The following MYO5B variants were observed in gnomAD, a reference collection of about 807,000 sequenced individuals.
MYO5B encodes unconventional myosin-Vb.
MYO5B carries 143 observed loss-of-function variants against 229.3 expected under a neutral mutation model. The ratio of observed to expected loss-of-function variants is 0.62; its 90% CI spans 0.54 to 0.72. The LOEUF is 0.72. MYO5B is among the 30% of genes least tolerant of loss of function. The probability of loss-of-function intolerance (pLI) is 0.00; values close to 1 mark genes in which losing one functional copy is unlikely to be tolerated. For missense variants in MYO5B, 2,321 were observed against 2,331.0 expected (o/e 1.00, Z 0.09); for synonymous variants, 918 against 885.2 (o/e 1.04, Z -0.66).
chr18:49,932,472 C>G (rs529109012), intron 16 of MYO5B, among the ~76,000 whole-genome samples: 13 of 152,312 alleles, frequency 8.5e-5, no homozygotes, highest in Admixed American at 1.3e-4. Flanking sequence ...TTCTGTCCTC[C>G]TGTGATGGCA....
intron 2 of MYO5B, among the ~76,000 whole-genome samples, chr18:50,041,661 G>A (rs1334997505): frequency 6.6e-6 from 1 of 151,924 alleles, no homozygotes; most frequent in Non-Finnish European, 1.5e-5. Flanking sequence ...AGTTTAGATA[G>A]AACAAACATT....
At chr18:50,040,987 A>G (rs9945666) in intron 2 of MYO5B, among the ~76,000 whole-genome samples, 147,526 of 152,292 alleles carry the variant, frequency 0.97, 71,613 homozygotes, top group East Asian at 1. Flanking sequence ...GGATACATTT[A>G]TAACCCTCGG....
At chr18:50,148,843 G>A (rs1229496121) in intron 1 of MYO5B, among the ~76,000 whole-genome samples, 1 of 152,186 alleles carries the variant, frequency 6.6e-6, no homozygotes, top group Admixed American at 6.5e-5. Flanking sequence ...GGGCAATTAG[G>A]CAAGAGAAGG....
intron 1 of MYO5B, among the ~76,000 whole-genome samples, chr18:50,162,656 T>C (rs1183080665): frequency 6.6e-6 from 1 of 152,200 alleles, no homozygotes; most frequent in Non-Finnish European, 1.5e-5. Context: ...CATTATCCAC[T>C]AATGCACATT....
At position 50,051,261 on chromosome 18, in the gene MYO5B, G is replaced by C. The variant is rs1199861060; in HGVS notation, c.138+4007C>G. ...CCCTGGCCCTCCAAATGTCAGGGTG[G>C]GCTTGGAAATACTGAGACGGTAGAG... On this transcript the variant is annotated intron_variant, in intron 2 of 39. Transcript: ENST00000285039. Among the ~76,000 whole-genome samples, 3 of 152,130 alleles carry C rather than the reference G, an allele frequency of 2.0e-5. No individual in the cohort carries two copies. The East Asian group carries it at 5.8e-4, about 29-fold the overall frequency.
intron 21 of MYO5B, among the ~76,000 whole-genome samples, chr18:49,898,874 G>T (rs965014513): frequency 6.6e-6 from 1 of 152,048 alleles, no homozygotes; most frequent in African/African-American, 2.4e-5. Context: ...TGACTTCTTG[G>T]CAGTGAGGAT....
intron 12 of MYO5B, among the ~76,000 whole-genome samples, chr18:49,960,632 CA>C (rs1271135352): frequency 6.6e-6 from 1 of 152,190 alleles, no homozygotes; most frequent in Non-Finnish European, 1.5e-5. Flanking sequence ...ATTTCCAGAA[CA>C]ATTAAACCTG....
intron 22 of MYO5B, among the ~76,000 whole-genome samples, chr18:49,889,810 G>C (rs1276933473): frequency 1.3e-5 from 2 of 152,158 alleles, no homozygotes; most frequent in Non-Finnish European, 2.9e-5. Flanking sequence ...TGACTTCATT[G>C]CAACAACCTA....
chr18:49,962,512 G>A (rs1449953822), intron 11 of MYO5B, 106 bp from the exon 12 acceptor site: 41 of 1,472,266 alleles, frequency 2.8e-5, no homozygotes, highest in Non-Finnish European at 3.8e-5. Context: ...GCAGAGAACT[G>A]CCAGATAAGG....
chr18:49,953,359 C>G lies in MYO5B; in HGVS notation c.1669-16G>C. ...GGTACTCCACCTGGGGCCACAGCAACCAGAGAGAGACACAGTCGTTAGTGC... is the reference window on the plus strand; with the variant it reads ...GGTACTCCACCTGGGGCCACAGCAAGCAGAGAGAGACACAGTCGTTAGTGC... On this transcript the variant is annotated splice_polypyrimidine_tract_variant and intron_variant, in intron 13 of 39. Coordinates refer to ENST00000285039, the MANE Select transcript of MYO5B (RefSeq NM_001080467.3). 1 of 1,610,956 alleles carries G rather than the reference C, an allele frequency of 6.2e-7. No individual in the cohort carries two copies.
At chr18:50,060,862 G>A (rs1410299733) in intron 1 of MYO5B, among the ~76,000 whole-genome samples, 1 of 152,118 alleles carries the variant, frequency 6.6e-6, no homozygotes, top group East Asian at 1.9e-4. Flanking sequence ...AACCTCTAGG[G>A]GTGGGAACCA....
At chr18:49,847,366 G>A (rs1228235114) in intron 32 of MYO5B, 77 bp from the exon 33 acceptor site, 3 of 1,546,222 alleles carry the variant, frequency 1.9e-6, no homozygotes, top group Non-Finnish European at 2.6e-6. Context: ...TCTCTGGCGG[G>A]TGGAGGATGG....
intron 14 of MYO5B, among the ~76,000 whole-genome samples, chr18:49,942,396 A>AAAAAAAAAAC (rs1555645745): frequency 1.3e-4 from 18 of 134,038 alleles, no homozygotes; most frequent in East Asian, 2.1e-4. Context: ...AAAAAAAAAA[A>AAAAAAAAAAC]AAAAAAAAAC....
At chr18:49,975,228 T>C (rs2025737179) in intron 9 of MYO5B, among the ~76,000 whole-genome samples, 1 of 152,186 alleles carries the variant, frequency 6.6e-6, no homozygotes, top group Non-Finnish European at 1.5e-5. Context: ...CCCAGGCTCC[T>C]AAGGTGGATG....
At chr18:49,862,515 C>T (rs558518203) in intron 29 of MYO5B, among the ~76,000 whole-genome samples, 33 of 152,322 alleles carry the variant, frequency 2.2e-4, no homozygotes, top group African/African-American at 6.5e-4. Flanking sequence ...AGGCACCTAT[C>T]GGTCATGTGA....
At chr18:49,896,797 G>A (rs897937812) in intron 21 of MYO5B, among the ~76,000 whole-genome samples, 2 of 152,228 alleles carry the variant, frequency 1.3e-5, no homozygotes, top group Admixed American at 1.3e-4. Flanking sequence ...GCTCAGGGAT[G>A]TCAGGGAGTT....
rs762271562 is a variant in MYO5B at position 50,037,040 on chromosome 18, C to G, written c.311-46G>C. ...CAGATTCCGACAGCACAGAAGACACCTGGCATTATTAGCTCAAGGCACCCA... is the reference window on the plus strand; with the variant it reads ...CAGATTCCGACAGCACAGAAGACACGTGGCATTATTAGCTCAAGGCACCCA... On this transcript the variant is annotated intron_variant, in intron 3 of 39. Coordinates refer to ENST00000285039, the MANE Select transcript of MYO5B (RefSeq NM_001080467.3). 4 of 1,611,906 alleles carry G rather than the reference C, an allele frequency of 2.5e-6. No individual in the cohort carries two copies. In the East Asian group the frequency reaches 6.7e-5, roughly 27 times the overall value.
At chr18:49,874,350 C>T (rs1300283992) in intron 26 of MYO5B, among the ~76,000 whole-genome samples, 1 of 152,204 alleles carries the variant, frequency 6.6e-6, no homozygotes, top group Non-Finnish European at 1.5e-5. Flanking sequence ...GCTGGATAGG[C>T]CAAGAACTTG....
chr18:50,195,089 G>A lies in MYO5B; in HGVS notation c.-296C>T, dbSNP rs2033285418. 3 of 280,038 alleles carry A rather than the reference G, an allele frequency of 1.1e-5. No individual in the cohort carries two copies. Among genetic ancestry groups the A allele is most frequent in the African/African-American group, 2.2e-5 (1 of 45,000 alleles). The allele number at this position is 280,038 out of a possible 1,614,324, so 17.3% of individuals were successfully genotyped here. A position where few individuals can be genotyped will look rare whatever the true frequency, so the allele number is the denominator to read the frequency against. On this transcript the variant is annotated 5_prime_UTR_variant, in exon 1 of 40. Transcript: ENST00000285039. ...CAGGTGTGGGGAGGAGGCGAGGGCC[G>A]GCGAGGAGGGAGGACCCGCTCGCGT... is the stretch of plus-strand genomic sequence containing the variant.
Sources: gnomAD v4.1 joint callset for allele counts (sites outside exome capture counted in the v4.1 genomes callset) on GRCh38, gnomAD v4.1.1 for gene constraint, MANE v1.5 for transcripts, NCBI Gene and HGNC (gene_info 2026-07-23, HGNC 2026-07-21) for gene names.